DENND1A: variants seen among roughly 807,000 people sequenced by gnomAD.
DENND1A encodes DENN domain-containing protein 1A.
A neutral mutation model predicts 113.7 loss-of-function variants in DENND1A; 51 were observed. The observed-to-expected ratio is 0.45, with a 90% CI of 0.36 to 0.57. The LOEUF is 0.57. Ranked by LOEUF, DENND1A falls within the 20% of genes least tolerant of loss-of-function variation. The probability of loss-of-function intolerance (pLI) is 0.00; values close to 1 mark genes in which losing one functional copy is unlikely to be tolerated. For missense variants in DENND1A, 1,258 were observed against 1,395.9 expected (o/e 0.90, Z 1.57); for synonymous variants, 565 against 570.8 (o/e 0.99, Z 0.14).
At chr9:123,754,943 T>C (rs2070391178) in intron 5 of DENND1A, among the ~76,000 whole-genome samples, 1 of 152,104 alleles carries the variant, frequency 6.6e-6, no homozygotes, top group Non-Finnish European at 1.5e-5. Flanking sequence ...CAGTTTAGAA[T>C]ATACATATAC....
chr9:123,427,365 C>T (rs1434473938), intron 19 of DENND1A, among the ~76,000 whole-genome samples: 2 of 152,174 alleles, frequency 1.3e-5, no homozygotes, highest in Non-Finnish European at 2.9e-5. Context: ...TAGCTTCTAC[C>T]CTTCTCCTCT....
chr9:123,632,523 C>T (rs187942176), intron 9 of DENND1A, among the ~76,000 whole-genome samples: 1 of 152,210 alleles, frequency 6.6e-6, no homozygotes, highest in Admixed American at 6.5e-5. Flanking sequence ...CTGGAGGGTT[C>T]CACTGGCCCT....
chr9:123,410,009 G>A (rs1026635459), intron 20 of DENND1A, among the ~76,000 whole-genome samples: 1 of 152,156 alleles, frequency 6.6e-6, no homozygotes, highest in African/African-American at 2.4e-5. Context: ...GGAAAATGGT[G>A]TGAATCCAGG....
At chr9:123,468,383 A>G (rs1375642692) in intron 13 of DENND1A, among the ~76,000 whole-genome samples, 1 of 152,152 alleles carries the variant, frequency 6.6e-6, no homozygotes, top group Non-Finnish European at 1.5e-5. Flanking sequence ...AAATTCCCCA[A>G]CTGACTCCAG....
At chr9:123,516,673 G>A (rs2053936255) in intron 13 of DENND1A, among the ~76,000 whole-genome samples, 1 of 151,936 alleles carries the variant, frequency 6.6e-6, no homozygotes, top group Non-Finnish European at 1.5e-5. Flanking sequence ...AGATCACGAG[G>A]TCAGGAGATC....
At chr9:123,895,023 C>G (rs1850503197) in intron 1 of DENND1A, among the ~76,000 whole-genome samples, 1 of 150,638 alleles carries the variant, frequency 6.6e-6, no homozygotes, top group South Asian at 2.1e-4. Flanking sequence ...CAGAATCACC[C>G]TGATTGAAAC....
At chr9:123,636,827 G>T (rs545547126) in intron 9 of DENND1A, among the ~76,000 whole-genome samples, 4 of 151,346 alleles carry the variant, frequency 2.6e-5, no homozygotes, top group Admixed American at 6.6e-5. Context: ...CTCCCGAGTC[G>T]CTGGGATTAC....
In DENND1A at chr9:123,380,452, G is replaced by A. The variant is rs1199962061; in HGVS notation, c.*980C>T. The A allele has an allele frequency of 6.6e-6, 1 of 152,464 alleles. No homozygotes were observed. The highest frequency in any genetic ancestry group is 1.5e-5 in the Non-Finnish European group (1 of 68,052). 9.4% of individuals were successfully genotyped at this position (152,464 alleles called of 1,614,324 possible). A position where few individuals can be genotyped will look rare whatever the true frequency, so the allele number is the denominator to read the frequency against. The stretch of plus-strand genomic sequence containing the variant: ...AGACCAAGTTTGTCCTTTCTACCTG[G>A]CCCTGGAGAAGGGGCTCAGGGCCAC... On this transcript the variant is annotated 3_prime_UTR_variant, in exon 24 of 24. Coordinates refer to ENST00000394215, the MANE Select transcript of DENND1A (RefSeq NM_001352964.2).
At chr9:123,391,957 T>C (rs1286293599) in intron 21 of DENND1A, among the ~76,000 whole-genome samples, 1 of 152,130 alleles carries the variant, frequency 6.6e-6, no homozygotes, top group Non-Finnish European at 1.5e-5. Flanking sequence ...CCGTCCGTCA[T>C]GGATCAGACC....
intron 8 of DENND1A, among the ~76,000 whole-genome samples, chr9:123,655,448 T>TG (rs1180221267): frequency 6.6e-6 from 1 of 152,100 alleles, no homozygotes. Context: ...AACCTGGCTC[T>TG]GAGCCAGATG....
Position 123,386,383 on chromosome 9 carries a change from T to TTC in DENND1A, c.1760+1346_1760+1347insGA, listed in dbSNP as rs539366341. ...TAGGCCACTACTTTCTTTTCTTTCT[T>TTC]TTTTTTTTTTTTTTTAAAGGCAGAG... On this transcript the variant is annotated intron_variant, in intron 22 of 23. Coordinates refer to ENST00000394215, the MANE Select transcript of DENND1A (RefSeq NM_001352964.2). Among the ~76,000 whole-genome samples the TTC allele has an allele frequency of 4.4e-3, 625 of 141,980 alleles. 10 individuals carry two copies. The South Asian group carries it at 0.05, about 11-fold the overall frequency. 93.1% of individuals were successfully genotyped at this position (141,980 alleles called of 152,430 possible).
intron 1 of DENND1A, among the ~76,000 whole-genome samples, chr9:123,913,517 A>T (rs1028246961): frequency 6.6e-6 from 1 of 152,192 alleles, no homozygotes; most frequent in Non-Finnish European, 1.5e-5. Flanking sequence ...GTGGAAAAAA[A>T]TTAAGGATAC....
intron 2 of DENND1A, among the ~76,000 whole-genome samples, chr9:123,828,561 G>C (rs1468282110): frequency 1.3e-5 from 2 of 149,040 alleles, no homozygotes; most frequent in Non-Finnish European, 3.0e-5. Context: ...CAGGACAAAT[G>C]CAAAGACATT....
At chr9:123,858,313 T>C (rs953592266) in intron 2 of DENND1A, among the ~76,000 whole-genome samples, 7 of 152,232 alleles carry the variant, frequency 4.6e-5, no homozygotes, top group Admixed American at 2.6e-4. Context: ...CAGTAACTTA[T>C]TCCCAAATTG....
intron 5 of DENND1A, among the ~76,000 whole-genome samples, chr9:123,695,520 G>A (rs969831454): frequency 1.3e-5 from 2 of 151,870 alleles, no homozygotes; most frequent in Non-Finnish European, 2.9e-5. Flanking sequence ...TGTCCCTCTA[G>A]AGAACTCTGA....
chr9:123,731,702 A>G (rs1457283130), intron 5 of DENND1A, among the ~76,000 whole-genome samples: 1 of 152,248 alleles, frequency 6.6e-6, no homozygotes, highest in Non-Finnish European at 1.5e-5. Flanking sequence ...ATGATCCATA[A>G]AAGGTAAGAT....
intron 2 of DENND1A, among the ~76,000 whole-genome samples, chr9:123,875,082 C>T (rs670961): frequency 0.22 from 33,228 of 152,106 alleles, 5,815 homozygotes; most frequent in African/African-American, 0.49. Flanking sequence ...ACACACAACA[C>T]GGAAGACCCT....
intron 2 of DENND1A, among the ~76,000 whole-genome samples, chr9:123,857,982 C>T (rs2133242261): frequency 6.6e-6 from 1 of 151,622 alleles, no homozygotes; most frequent in Non-Finnish European, 1.5e-5. Flanking sequence ...TGGCGTGAAC[C>T]CGGGAGGCGG....
At chr9:123,517,014 G>C (rs996721409) in intron 13 of DENND1A, among the ~76,000 whole-genome samples, 1 of 151,138 alleles carries the variant, frequency 6.6e-6, no homozygotes, top group African/African-American at 2.4e-5. Context: ...AACTGGAATT[G>C]CTGGGAATTT....
Sources: allele counts gnomAD v4.1 joint callset (sites outside exome capture counted in the v4.1 genomes callset), GRCh38; gene constraint gnomAD v4.1.1; transcripts MANE v1.5; gene names NCBI Gene and HGNC (gene_info 2026-07-23, HGNC 2026-07-21).